PLD5: variants seen among roughly 807,000 people sequenced by gnomAD.
PLD5 encodes phospholipase D family member 5.
PLD5 carries 36 observed loss-of-function variants against 61.1 expected under a neutral mutation model. The observed-to-expected ratio is 0.59, with a 90% CI of 0.45 to 0.78. The LOEUF (loss-of-function observed/expected upper bound fraction) is 0.78, where lower values mean the gene tolerates loss of function less well. Among genes scored for constraint, PLD5 ranks in the 30% least tolerant of loss-of-function variants. The pLI, the probability that PLD5 is intolerant of heterozygous loss-of-function variation, is 0.00. For synonymous variants in PLD5, 243 were observed against 242.8 expected, an observed-to-expected ratio of 1.00 and a Z score of -0.01; for missense variants, 515 against 644.4, an observed-to-expected ratio of 0.80 and a Z score of 2.17.
chr1:242,144,103 A>C (rs1664373614), intron 5 of PLD5, among the ~76,000 whole-genome samples: 1 of 152,048 alleles, frequency 6.6e-6, no homozygotes, highest in Non-Finnish European at 1.5e-5. Flanking sequence ...TCCTGGCCTT[A>C]AGTGATCTGC....
At position 242,470,898 on chromosome 1, in the gene PLD5, G is replaced by T. The variant is rs150071810; in HGVS notation, c.189+53190C>A. 3.3e-5 allele frequency among the ~76,000 whole-genome samples: 5 copies of T among 152,300 alleles called. No individual in the cohort carries two copies. In the East Asian group the frequency reaches 9.7e-4, roughly 29 times the overall value. On this transcript the variant is annotated intron_variant, in intron 1 of 9. Coordinates refer to ENST00000536534, the MANE Select transcript of PLD5 (RefSeq NM_001372062.1). Reference sequence around the variant, plus strand: ...TGCTTGTATCCTGCAGCGCTAATGCGGGACTCAGGCGCTCCCCTTTGAGGT... The same window carrying T: ...TGCTTGTATCCTGCAGCGCTAATGCTGGACTCAGGCGCTCCCCTTTGAGGT...
At chr1:242,409,181 C>CTTA (rs1427686336) in intron 1 of PLD5, among the ~76,000 whole-genome samples, 1 of 152,086 alleles carries the variant, frequency 6.6e-6, no homozygotes, top group Non-Finnish European at 1.5e-5. Context: ...TCATGACTAG[C>CTTA]TTATTGGCCT....
At chr1:242,245,657 C>A (rs1469025874) in intron 4 of PLD5, among the ~76,000 whole-genome samples, 1 of 152,172 alleles carries the variant, frequency 6.6e-6, no homozygotes, top group Non-Finnish European at 1.5e-5. Flanking sequence ...ATTCAACATT[C>A]ATAAGTTGGC....
intron 1 of PLD5, among the ~76,000 whole-genome samples, chr1:242,425,801 C>A (rs1392557545): frequency 1.3e-5 from 2 of 151,992 alleles, no homozygotes; most frequent in Non-Finnish European, 2.9e-5. Flanking sequence ...CGCCACCACA[C>A]CTGACTAATT....
intron 3 of PLD5, among the ~76,000 whole-genome samples, chr1:242,281,456 T>C (rs1246027464): frequency 6.6e-6 from 1 of 152,184 alleles, no homozygotes; most frequent in Admixed American, 6.5e-5. Flanking sequence ...TAGGAGGGAC[T>C]GTAGGTTCAA....
At chr1:242,205,893 A>G (rs189649130) in intron 5 of PLD5, among the ~76,000 whole-genome samples, 1 of 152,326 alleles carries the variant, frequency 6.6e-6, no homozygotes, top group East Asian at 1.9e-4. Flanking sequence ...AAGGGACAAG[A>G]GGAGAAAATC....
At chr1:242,225,384 C>T (rs1670872143) in intron 4 of PLD5, among the ~76,000 whole-genome samples, 1 of 139,642 alleles carries the variant, frequency 7.2e-6, no homozygotes, top group African/African-American at 2.7e-5. Context: ...GAATGCACCA[C>T]ACATAACGCA....
intron 1 of PLD5, among the ~76,000 whole-genome samples, chr1:242,369,947 A>G (rs148728036): frequency 2.2e-4 from 34 of 152,330 alleles, no homozygotes; most frequent in Non-Finnish European, 4.6e-4. Flanking sequence ...ACTGCCGAAC[A>G]CAGAGAATAC....
intron 1 of PLD5, among the ~76,000 whole-genome samples, chr1:242,407,444 C>A (rs1305997490): frequency 6.6e-6 from 1 of 152,172 alleles, no homozygotes; most frequent in Non-Finnish European, 1.5e-5. Flanking sequence ...TCCTATCCCT[C>A]TGACTATGCT....
chr1:242,387,604 T>C (rs1329640609), intron 1 of PLD5, among the ~76,000 whole-genome samples: 2 of 150,378 alleles, frequency 1.3e-5, no homozygotes, highest in African/African-American at 4.9e-5. Context: ...CTTTAAAGAA[T>C]ACATATATAT....
intron 8 of PLD5, among the ~76,000 whole-genome samples, chr1:242,101,971 G>T (rs576829467): frequency 5.3e-5 from 8 of 152,140 alleles, no homozygotes; most frequent in Admixed American, 1.3e-4. Flanking sequence ...TATCACCACG[G>T]TTATAGACAA....
intron 4 of PLD5, among the ~76,000 whole-genome samples, chr1:242,248,509 A>G (rs545122934): frequency 7.2e-4 from 110 of 152,158 alleles, no homozygotes; most frequent in African/African-American, 2.6e-3. Context: ...CCAATCACTG[A>G]TCAATGTTAT....
intron 1 of PLD5, among the ~76,000 whole-genome samples, chr1:242,521,732 C>T (rs1001549539): frequency 5.3e-5 from 8 of 152,198 alleles, no homozygotes; most frequent in African/African-American, 1.7e-4. Context: ...ACATGACACA[C>T]TCATCCTAAT....
chr1:242,199,646 A>G (rs1668860913), intron 5 of PLD5, among the ~76,000 whole-genome samples: 1 of 152,084 alleles, frequency 6.6e-6, no homozygotes. Context: ...CAATGTACCC[A>G]CCAAACAACT....
intron 5 of PLD5, among the ~76,000 whole-genome samples, chr1:242,139,576 A>C (rs1664006474): frequency 1.3e-5 from 2 of 152,098 alleles, no homozygotes; most frequent in Non-Finnish European, 2.9e-5. Flanking sequence ...TCCTTCTCAC[A>C]GAACAGGGCC....
At chr1:242,183,950 T>C (rs1423786110) in intron 5 of PLD5, among the ~76,000 whole-genome samples, 5 of 147,826 alleles carry the variant, frequency 3.4e-5, no homozygotes, top group Admixed American at 3.4e-4. Flanking sequence ...TGATTGTTTA[T>C]GTAGTTAGGT....
chr1:242,509,509 G>C (rs1010509603), intron 1 of PLD5, among the ~76,000 whole-genome samples: 1 of 152,102 alleles, frequency 6.6e-6, no homozygotes, highest in Non-Finnish European at 1.5e-5. Flanking sequence ...TGTTCCATGC[G>C]GCCCCTGCCT....
intron 1 of PLD5, among the ~76,000 whole-genome samples, chr1:242,388,735 T>C (rs1662743512): frequency 6.6e-6 from 1 of 152,002 alleles, no homozygotes; most frequent in Non-Finnish European, 1.5e-5. Context: ...GGTGGGTGGA[T>C]CACGAGGTCA....
intron 3 of PLD5, among the ~76,000 whole-genome samples, chr1:242,281,391 T>C (rs1228252288): frequency 1.3e-5 from 2 of 152,048 alleles, no homozygotes; most frequent in Non-Finnish European, 2.9e-5. Context: ...GTCACATGAA[T>C]GTTGCCAGGT....
Sources: gnomAD v4.1 joint callset for allele counts (sites outside exome capture counted in the v4.1 genomes callset) on GRCh38, gnomAD v4.1.1 for gene constraint, MANE v1.5 for transcripts, NCBI Gene and HGNC (gene_info 2026-07-23, HGNC 2026-07-21) for gene names.